Variants in AIMP2 observed in about 807,000 individuals in gnomAD.
The protein encoded by AIMP2 is aminoacyl tRNA synthase complex-interacting multifunctional protein 2.
Under a neutral mutation model 23.4 loss-of-function variants are expected in AIMP2, and 20 were observed. The ratio of observed to expected loss-of-function variants is 0.85; its 90% CI spans 0.60 to 1.24. The LOEUF (loss-of-function observed/expected upper bound fraction) is 1.24. AIMP2 is among the 50% of genes most tolerant of loss of function. The probability of loss-of-function intolerance (pLI) is 0.00; values close to 1 mark genes in which losing one functional copy is unlikely to be tolerated. For synonymous variants in AIMP2, 210 were observed against 170.4 expected (o/e 1.23, Z -1.81); for missense variants, 515 against 414.5 (o/e 1.24, Z -2.10).
chr7:6,010,785 G>A (rs749234760), intron 1 of AIMP2, among the ~76,000 whole-genome samples: 8 of 148,988 alleles, frequency 5.4e-5, no homozygotes, highest in African/African-American at 1.3e-4. Context: ...AGCATACAGC[G>A]TATAGTCTGA....
intron 1 of AIMP2, among the ~76,000 whole-genome samples, chr7:6,010,609 C>T (rs376754973): frequency 3.3e-5 from 5 of 151,726 alleles, no homozygotes; most frequent in African/African-American, 9.7e-5. Flanking sequence ...CCACTGGACC[C>T]GGCTAATTTT....
chr7:6,009,962 A>ATAT (rs1286705530), intron 1 of AIMP2, among the ~76,000 whole-genome samples: 1 of 48,126 alleles, frequency 2.1e-5, no homozygotes, highest in Non-Finnish European at 4.2e-5. Flanking sequence ...AAAAAAAAAA[A>ATAT]AAAAAAAAAA....
In AIMP2 at chr7:6,009,509, G is replaced by C. The variant is rs750066868; in HGVS notation, c.135+11G>C. 8.7e-6 allele frequency: 13 copies of C among 1,502,658 alleles called. No homozygotes were observed. In the East Asian group the frequency reaches 2.5e-4, roughly 29 times the overall value. 93.1% of individuals were successfully genotyped at this position (1,502,658 alleles called of 1,614,324 possible). ...GCTGGCCACGTGCAGGTAGGAGCGC[G>C]GGGCCCCCCGCCCAGTGCGCACGCG... On this transcript the variant is annotated intron_variant, in intron 1 of 3. Transcript: ENST00000223029.
In AIMP2 at chr7:6,015,208, G is replaced by T. The variant is rs772717015; in HGVS notation, c.198G>T (p.Leu66=). ...ESRQDDILKR[L]YELKAAVDGL... The stretch of plus-strand genomic sequence containing the variant: ...GCCAAGATGATATTTTAAAACGTCT[G>T]TATGAGTTGAAAGCTGCAGTTGATG... Residue 66 remains leucine, a synonymous_variant, in exon 2 of 4, where the codon CTG becomes CTT. Coordinates refer to ENST00000223029, the MANE Select transcript of AIMP2 (RefSeq NM_006303.4). 9 of 1,614,194 alleles carry T rather than the reference G, an allele frequency of 5.6e-6. No individual in the cohort carries two copies. In the East Asian group the frequency reaches 1.1e-4, roughly 20 times the overall value.
intron 2 of AIMP2, among the ~76,000 whole-genome samples, chr7:6,016,225 A>G (rs1162448389): frequency 6.6e-6 from 1 of 152,228 alleles, no homozygotes; most frequent in Non-Finnish European, 1.5e-5. Context: ...TGAAGTTTAC[A>G]GGCTTCAGCT....
chr7:6,017,853 C>G lies in AIMP2; in HGVS notation c.382C>G (p.Pro128Ala), dbSNP rs778622819. The change falls in exon 3 of 4, where the codon CCG (proline) becomes GCG (alanine). Residue 128 changes from proline (P) to alanine (A), a missense_variant. Transcript: ENST00000223029. ...GAAAGACATCGTGATCAACGCAAAC[C>G]CGGCCTCCCCTCCCCTCTCCCTGCT... ...ALKDIVINAN[P>A]ASPPLSLLVL... 6.8e-6 allele frequency: 11 copies of G among 1,613,970 alleles called. No individual in the cohort carries two copies. Among genetic ancestry groups the G allele is most frequent in the Admixed American group, 1.7e-5 (1 of 59,964 alleles).
intron 1 of AIMP2, among the ~76,000 whole-genome samples, chr7:6,010,486 A>C (rs549531145): frequency 6.6e-6 from 1 of 150,684 alleles, no homozygotes; most frequent in Non-Finnish European, 1.5e-5. Flanking sequence ...GTCTCACTCT[A>C]TCACCCAGGC....
Position 6,015,315 on chromosome 7 carries a change from C to T in AIMP2, c.305C>T (p.Thr102Ile). 1.9e-6 allele frequency: 3 copies of T among 1,614,194 alleles called. No individual in the cohort carries two copies. The highest frequency in any genetic ancestry group is 2.5e-6 in the Non-Finnish European group (3 of 1,180,042). The change falls in exon 2 of 4, where the codon ACC becomes ATC. Residue 102 changes from threonine to isoleucine, a missense_variant. Physicochemically the swap from Thr to Ile is moderately conservative, Grantham distance 89. Coordinates refer to ENST00000223029, the MANE Select transcript of AIMP2 (RefSeq NM_006303.4). ...CAAGCGGATGAGCCCACGACTTTAACCACCAATGCGCTGGACTTGAATTCA... is the reference window on the plus strand; with the variant it reads ...CAAGCGGATGAGCCCACGACTTTAATCACCAATGCGCTGGACTTGAATTCA... ...IIQADEPTTL[T>I]TNALDLNSVL...
At chr7:6,014,971 G>A in intron 1 of AIMP2, 175 bp from the exon 2 acceptor site, 12 of 1,393,390 alleles carry the variant, frequency 8.6e-6, no homozygotes, top group South Asian at 2.9e-5. Flanking sequence ...CTGCCTACCT[G>A]GACCTCCCGA....
At chr7:6,018,070 C>A (rs1236667232) in intron 3 of AIMP2, 25 bp downstream of exon 3, 2 of 1,577,852 alleles carry the variant, frequency 1.3e-6, no homozygotes, top group South Asian at 1.1e-5. Flanking sequence ...CTGAGTTCAA[C>A]TTACACACAG....
At position 6,023,739 on chromosome 7, in the gene AIMP2, T is replaced by TC; in HGVS notation, c.*48_*49insC. ...GGTTTAGATTTTAAGAATGGTGCTC[T>TC]TTCATGCCTATTATCAGTAAGGGGA... On this transcript the variant is annotated 3_prime_UTR_variant, in exon 4 of 4. Transcript: ENST00000223029. 6.2e-7 allele frequency: 1 copy of TC among 1,613,766 alleles called. No individual in the cohort carries two copies. Among genetic ancestry groups the TC allele is most frequent in the Non-Finnish European group, 8.5e-7 (1 of 1,179,868 alleles).
intron 1 of AIMP2, among the ~76,000 whole-genome samples, chr7:6,014,250 C>CTTTTTTT (rs57008315): frequency 7.6e-4 from 51 of 67,544 alleles, no homozygotes; most frequent in Non-Finnish European, 9.5e-4. Context: ...TTTGTTGAAG[C>CTTTTTTT]TTTTTTTTTT....
At chr7:6,015,419 CTG>C in intron 2 of AIMP2, 67 bp downstream of exon 2, 1 of 1,547,802 alleles carries the variant, frequency 6.5e-7, no homozygotes, top group African/African-American at 1.4e-5. Context: ...AATTGTGCTG[CTG>C]TGATTAAAGC....
chr7:6,012,424 G>A (rs1786748655), intron 1 of AIMP2, among the ~76,000 whole-genome samples: 1 of 151,984 alleles, frequency 6.6e-6, no homozygotes, highest in Non-Finnish European at 1.5e-5. Context: ...TAGAAGACAC[G>A]AATGACATAA....
chr7:6,018,990 C>CACACACACACACACAA (rs767819752), intron 3 of AIMP2, among the ~76,000 whole-genome samples: 7 of 143,612 alleles, frequency 4.9e-5, no homozygotes, highest in African/African-American at 1.3e-4. Context: ...CACACACACA[C>CACACACACACACACAA]AATACATGGC....
Position 6,023,827 on chromosome 7 carries a change from G to GTAATT in AIMP2, c.*139_*143dup. On this transcript the variant is annotated 3_prime_UTR_variant, in exon 4 of 4. Coordinates refer to ENST00000223029, the MANE Select transcript of AIMP2 (RefSeq NM_006303.4). ...TGTCAAGTGTCAATAAAAGCATCAT[G>GTAATT]TAATTTATGGTTTTCATTTTATTTA... 6.4e-7 allele frequency: 1 copy of GTAATT among 1,557,916 alleles called. No homozygotes were observed. Among genetic ancestry groups the GTAATT allele is most frequent in the Non-Finnish European group, 8.7e-7 (1 of 1,149,928 alleles).
intron 1 of AIMP2, among the ~76,000 whole-genome samples, 197 bp downstream of exon 1, chr7:6,009,695 A>T (rs747366075): frequency 9.2e-5 from 14 of 151,944 alleles, no homozygotes; most frequent in Non-Finnish European, 1.3e-4. Context: ...TCACGCCTGT[A>T]ATCCCAGCAC....
intron 3 of AIMP2, among the ~76,000 whole-genome samples, chr7:6,020,692 T>TAAAG (rs1787341123): frequency 6.6e-6 from 1 of 152,118 alleles, no homozygotes; most frequent in Non-Finnish European, 1.5e-5. Flanking sequence ...CCAGATGCCA[T>TAAAG]AAAGAAAATC....
chr7:6,017,627 C>T (rs548981788), intron 2 of AIMP2, among the ~76,000 whole-genome samples, 187 bp from the exon 3 acceptor site: 12 of 152,212 alleles, frequency 7.9e-5, no homozygotes, highest in African/African-American at 2.9e-4. Context: ...CATATCCCAG[C>T]TCCACTCCGT....
Sources: gnomAD v4.1 joint callset for allele counts (sites outside exome capture counted in the v4.1 genomes callset) on GRCh38, gnomAD v4.1.1 for gene constraint, MANE v1.5 for transcripts, NCBI Gene and HGNC (gene_info 2026-07-23, HGNC 2026-07-21) for gene names.